The following TBX21 variants were observed in gnomAD, a reference collection of about 807,000 sequenced individuals.
TBX21 encodes T-box transcription factor 21, also known as T-box transcription factor TBX21.
A neutral mutation model predicts 52.2 loss-of-function variants in TBX21; 11 were observed. The ratio of observed to expected loss-of-function variants is 0.21; its 90% confidence interval spans 0.13 to 0.35. TBX21 has a LOEUF of 0.35. Ranked by LOEUF, TBX21 falls within the 10% of genes least tolerant of loss-of-function variation. The pLI, the probability that TBX21 is intolerant of heterozygous loss-of-function variation, is 1.00. For missense variants in TBX21, 625 were observed against 755.1 expected, an observed-to-expected ratio of 0.83 and a Z score of 2.02; for synonymous variants, 300 against 316.1, an observed-to-expected ratio of 0.95 and a Z score of 0.54.
chr17:47,740,604 G>T (rs2032257845), intron 1 of TBX21, among the ~76,000 whole-genome samples: 1 of 152,154 alleles, frequency 6.6e-6, no homozygotes, highest in Non-Finnish European at 1.5e-5. Context: ...GGTGGCACAT[G>T]CCTGTAGTCC....
chr17:47,744,009 GC>G (rs2032298344), intron 3 of TBX21, among the ~76,000 whole-genome samples, 185 bp from the exon 4 acceptor site: 1 of 152,152 alleles, frequency 6.6e-6, no homozygotes, highest in Non-Finnish European at 1.5e-5. Context: ...TAGAATTGGT[GC>G]CCCAAAGAGT....
In TBX21 at chr17:47,742,597, CTCTT is replaced by C. The variant is rs761145628; in HGVS notation, c.492-12_492-9del. On this transcript the variant is annotated splice_polypyrimidine_tract_variant and intron_variant, in intron 1 of 5. Coordinates refer to ENST00000177694, the MANE Select transcript of TBX21 (RefSeq NM_013351.2). The surrounding 1 kb of genome is among the most constrained non-coding windows in gnomAD (Gnocchi z 4.4). ...AGCTGATGGGTGCTGGGGGCTTTCT[CTCTT>C]CTCTCCAGGCGGATGTTCCCATTCC... 1 of 1,591,132 alleles carries C rather than the reference CTCTT, an allele frequency of 6.3e-7. No individual in the cohort carries two copies. The highest frequency in any genetic ancestry group is 8.6e-7 in the Non-Finnish European group (1 of 1,166,072).
At position 47,742,952 on chromosome 17, in the gene TBX21, C is replaced by T; in HGVS notation, c.647-119C>T. The T allele has an allele frequency of 1.3e-6, 2 of 1,529,274 alleles. No homozygotes were observed. Among genetic ancestry groups the T allele is most frequent in the African/African-American group, 2.8e-5 (2 of 72,590 alleles). 94.7% of individuals were successfully genotyped at this position (1,529,274 alleles called of 1,614,324 possible). A position where few individuals can be genotyped will look rare whatever the true frequency, so the allele number is the denominator to read the frequency against. On this transcript the variant is annotated intron_variant, in intron 2 of 5. Coordinates refer to ENST00000177694, the MANE Select transcript of TBX21 (RefSeq NM_013351.2). This position sits in a 1 kb window ranked among gnomAD's most constrained non-coding sequence, Gnocchi z 4.4. ...CCTGTCCTCTGCTGAGTCCTCTGCCCTTCCCTGCCTGGTCCTCCCCCTGTG... is the reference window on the plus strand; with the variant it reads ...CCTGTCCTCTGCTGAGTCCTCTGCCTTTCCCTGCCTGGTCCTCCCCCTGTG...
At chr17:47,741,429 AACAGCGGAATCAT>A (rs556243472) in intron 1 of TBX21, among the ~76,000 whole-genome samples, 85 of 152,242 alleles carry the variant, frequency 5.6e-4, no homozygotes, top group African/African-American at 2.0e-3. Flanking sequence ...ACTCTGGCAC[AACAGCGGAATCAT>A]ACAGCATCCC....
At chr17:47,737,220 T>A (rs1462346484) in intron 1 of TBX21, among the ~76,000 whole-genome samples, 1 of 152,070 alleles carries the variant, frequency 6.6e-6, no homozygotes, top group Non-Finnish European at 1.5e-5. Flanking sequence ...TGTGGCAGTG[T>A]GTGTGTGTTG....
chr17:47,744,574 G>A, intron 5 of TBX21, 31 bp downstream of exon 5: 2 of 1,613,890 alleles, frequency 1.2e-6, no homozygotes, highest in African/African-American at 1.3e-5. Context: ...CTCAGCTTTG[G>A]TCCCTCCTGA....
Position 47,733,284 on chromosome 17 carries a change from GC to G in TBX21, c.-169del. The G allele has an allele frequency of 1.1e-6, 1 of 928,738 alleles. No individual in the cohort carries two copies. Among genetic ancestry groups the G allele is most frequent in the Non-Finnish European group, 1.5e-6 (1 of 680,012 alleles). 57.5% of individuals were successfully genotyped at this position (928,738 alleles called of 1,614,324 possible). A position where few individuals can be genotyped will look rare whatever the true frequency, so the allele number is the denominator to read the frequency against. On this transcript the variant is annotated 5_prime_UTR_variant, in exon 1 of 6. Coordinates refer to ENST00000177694, the MANE Select transcript of TBX21 (RefSeq NM_013351.2). The surrounding 1 kb of genome is among the most constrained non-coding windows in gnomAD (Gnocchi z 6.6). ...GAAGCCCGAGAGCTGCCGCGCGCCTGCCGGACGAGGGCGTAGAAGCCAGGCG... is the reference window on the plus strand; with the variant it reads ...GAAGCCCGAGAGCTGCCGCGCGCCTGCGGACGAGGGCGTAGAAGCCAGGCG...
At chr17:47,736,619 A>T (rs1404109315) in intron 1 of TBX21, among the ~76,000 whole-genome samples, 1 of 152,104 alleles carries the variant, frequency 6.6e-6, no homozygotes, top group Non-Finnish European at 1.5e-5. Flanking sequence ...CCACGCTGCC[A>T]TGGAGGGGAC....
In TBX21 at chr17:47,734,596, TGTGTGTGTGTGTGTATGTGTGTGTGG is replaced by T. The variant is rs1216284877; in HGVS notation, c.491+662_491+687del. ...GTGTGTGTGTGTGTGTGTGTGTGTG[TGTGTGTGTGTGTGTATGTGTGTGTGG>T]GTGTGTGTGTATGGGGGCTAGTGCA... On this transcript the variant is annotated intron_variant, in intron 1 of 5. Transcript: ENST00000177694. Among the ~76,000 whole-genome samples the T allele has an allele frequency of 9.8e-3, 1,359 of 138,492 alleles. 5 individuals carry two copies. The highest frequency in any genetic ancestry group is 0.012 in the Admixed American group (166 of 14,084). 90.9% of individuals were successfully genotyped at this position (138,492 alleles called of 152,430 possible). A position where few individuals can be genotyped will look rare whatever the true frequency, so the allele number is the denominator to read the frequency against.
intron 3 of TBX21, 29 bp from the exon 4 acceptor site, chr17:47,744,166 C>T (rs2032301058): frequency 1.9e-6 from 3 of 1,607,766 alleles, no homozygotes; most frequent in African/African-American, 1.3e-5. Flanking sequence ...TTCCTCCCCA[C>T]CCCTACAACC....
At chr17:47,739,014 A>T (rs2032238720) in intron 1 of TBX21, among the ~76,000 whole-genome samples, 1 of 151,536 alleles carries the variant, frequency 6.6e-6, no homozygotes, top group Non-Finnish European at 1.5e-5. Context: ...AGGAGCTCCG[A>T]ATCTGGGAGA....
rs1567918970 is a variant in TBX21, at chr17:47,734,618, TGTGG to T, written c.491+677_491+680del. ...GTGTGTGTGTGTGTGTGTATGTGTGTGTGGGTGTGTGTGTATGGGGGCTAGTGCA... is the reference window on the plus strand; with the variant it reads ...GTGTGTGTGTGTGTGTGTATGTGTGTGTGTGTGTGTATGGGGGCTAGTGCA... On this transcript the variant is annotated intron_variant, in intron 1 of 5. Coordinates refer to ENST00000177694, the MANE Select transcript of TBX21 (RefSeq NM_013351.2). 2.8e-3 allele frequency among the ~76,000 whole-genome samples: 319 copies of T among 112,268 alleles called. 2 individuals carry two copies. Among genetic ancestry groups the T allele is most frequent in the Admixed American group, 4.7e-3 (55 of 11,586 alleles). 73.7% of individuals were successfully genotyped at this position (112,268 alleles called of 152,430 possible).
At chr17:47,743,265 G>C (rs1386259096) in intron 3 of TBX21, 73 bp downstream of exon 3, 2 of 1,563,266 alleles carry the variant, frequency 1.3e-6, no homozygotes, top group Non-Finnish European at 1.7e-6. Flanking sequence ...AGGCCACAAG[G>C]GTCCTGCGGG....
rs373166468 is a variant in TBX21, at chr17:47,745,396, A to T, written c.*30A>T. 2 of 1,553,996 alleles carry T rather than the reference A, an allele frequency of 1.3e-6. No homozygotes were observed. Among genetic ancestry groups the T allele is most frequent in the Non-Finnish European group, 1.7e-6 (2 of 1,152,232 alleles). On this transcript the variant is annotated 3_prime_UTR_variant, in exon 6 of 6. Coordinates refer to ENST00000177694, the MANE Select transcript of TBX21 (RefSeq NM_013351.2). ...ATGACATGATGAAAGGAACAGAAAC[A>T]GTGTTATTAGGTTGGAGGACACCGA...
Position 47,742,862 on chromosome 17 carries a change from A to AC in TBX21, c.646+103dup, listed in dbSNP as rs113610992. The AC allele has an allele frequency of 7.6e-6, 11 of 1,452,534 alleles. No homozygotes were observed. Among genetic ancestry groups the AC allele is most frequent in the African/African-American group, 7.2e-5 (5 of 69,274 alleles). The allele number at this position is 1,452,534 out of a possible 1,614,324, so 90.0% of individuals were successfully genotyped here. ...CCTACCCCTAATTCCTAGACCTTTA[A>AC]CCCCCTCCCACTCCATCCCACGCCA... On this transcript the variant is annotated intron_variant, in intron 2 of 5. Transcript: ENST00000177694. The surrounding 1 kb of genome is among the most constrained non-coding windows in gnomAD (Gnocchi z 4.4).
chr17:47,746,064 G>A lies in TBX21; in HGVS notation c.*698G>A, dbSNP rs2032331608. On this transcript the variant is annotated 3_prime_UTR_variant, in exon 6 of 6. Transcript: ENST00000177694. ...GGCTATTTATTGTACTGAGAGTGGT[G>A]TCTGGATATATTCCTTTTGTCTTCA... is the stretch of plus-strand genomic sequence containing the variant. 6.6e-6 allele frequency: 1 copy of A among 152,060 alleles called. No individual in the cohort carries two copies. The highest frequency in any genetic ancestry group is 6.6e-5 in the Admixed American group (1 of 15,262). 9.4% of individuals were successfully genotyped at this position (152,060 alleles called of 1,614,324 possible).
Position 47,733,611 on chromosome 17 carries a change from A to C in TBX21, c.157A>C (p.Ser53Arg). 6.9e-7 allele frequency: 1 copy of C among 1,451,682 alleles called. No individual in the cohort carries two copies. Among genetic ancestry groups the C allele is most frequent in the Non-Finnish European group, 9.0e-7 (1 of 1,109,534 alleles). The allele number at this position is 1,451,682 out of a possible 1,614,324, so 89.9% of individuals were successfully genotyped here. ...CGCGGACGAGCGTCGCGGGGGCGGC[A>C]GCCTGGGGTCTCCCTACCCGGGGGG... ...QDADERRGGG[S>R]LGSPYPGGAL... Residue 53 changes from serine to arginine, a missense_variant, in exon 1 of 6, where the codon AGC (serine) becomes CGC (arginine). By Grantham distance (110) the Ser-to-Arg change is moderately radical. Transcript: ENST00000177694. The surrounding 1 kb of genome is among the most constrained non-coding windows in gnomAD (Gnocchi z 6.6).
Position 47,733,275 on chromosome 17 carries a change from C to G in TBX21, c.-180C>G, listed in dbSNP as rs1016587593. On this transcript the variant is annotated 5_prime_UTR_variant, in exon 1 of 6. Transcript: ENST00000177694. The surrounding 1 kb of genome is among the most constrained non-coding windows in gnomAD (Gnocchi z 6.6). ...GCTGGAGAGGAAGCCCGAGAGCTGCCGCGCGCCTGCCGGACGAGGGCGTAG... is the reference window on the plus strand; with the variant it reads ...GCTGGAGAGGAAGCCCGAGAGCTGCGGCGCGCCTGCCGGACGAGGGCGTAG... 9.6e-6 allele frequency: 8 copies of G among 833,662 alleles called. No homozygotes were observed. Among genetic ancestry groups the G allele is most frequent in the South Asian group, 2.4e-5 (1 of 41,148 alleles). The allele number at this position is 833,662 out of a possible 1,614,324, so 51.6% of individuals were successfully genotyped here.
chr17:47,739,811 A>G (rs1009828240), intron 1 of TBX21, among the ~76,000 whole-genome samples: 3 of 151,482 alleles, frequency 2.0e-5, no homozygotes, highest in African/African-American at 7.3e-5. Context: ...CCTGTAGTCA[A>G]GGAGAATCTC....
Sources: gnomAD v4.1 joint callset for allele counts (sites outside exome capture counted in the v4.1 genomes callset) on GRCh38, gnomAD v4.1.1 for gene constraint, Gnocchi (gnomAD v3.1) non-coding constraint, MANE v1.5 for transcripts, NCBI Gene and HGNC (gene_info 2026-07-23, HGNC 2026-07-21) for gene names.